The following SYT1 variants were observed in gnomAD, a reference collection of about 807,000 sequenced individuals.
SYT1 encodes the protein synaptotagmin 1, also known as synaptotagmin-1.
In SYT1, 8 loss-of-function variants were observed where a neutral mutation model predicts 44.8. That is an observed-to-expected ratio of 0.18 (90% CI 0.10 to 0.32). SYT1 has a LOEUF of 0.32. Among genes scored for constraint, SYT1 ranks in the 10% least tolerant of loss-of-function variants. The pLI is 1.00. For synonymous variants in SYT1, 154 were observed against 188.8 expected (o/e 0.82, Z 1.51); for missense variants, 286 against 509.3 (o/e 0.56, Z 4.22).
chr12:79,051,875 C>A (rs1003098211), intron 3 of SYT1, among the ~76,000 whole-genome samples: 16 of 151,960 alleles, frequency 1.1e-4, no homozygotes, highest in African/African-American at 3.9e-4. Flanking sequence ...CTGTTCTGTT[C>A]CATTGGTCTA....
chr12:79,111,066 G>T (rs1878984486), intron 3 of SYT1, among the ~76,000 whole-genome samples: 1 of 151,972 alleles, frequency 6.6e-6, no homozygotes, highest in South Asian at 2.1e-4. Flanking sequence ...ATAAAGTATA[G>T]CAATGAAAAA....
At chr12:79,333,986 C>A (rs1274741786) in intron 8 of SYT1, among the ~76,000 whole-genome samples, 1 of 152,090 alleles carries the variant, frequency 6.6e-6, no homozygotes, top group Non-Finnish European at 1.5e-5. Context: ...TGACATTGCT[C>A]CCCTTCTGGA....
At chr12:79,183,641 A>T (rs1376458427) in intron 3 of SYT1, among the ~76,000 whole-genome samples, 8 of 152,022 alleles carry the variant, frequency 5.3e-5, no homozygotes, top group African/African-American at 1.7e-4. Context: ...CTGTTCCCAC[A>T]GCCCCTCTCC....
chr12:79,041,575 G>T (rs932604676), intron 2 of SYT1, among the ~76,000 whole-genome samples: 1 of 152,168 alleles, frequency 6.6e-6, no homozygotes, highest in Admixed American at 6.5e-5. Context: ...TGCAAACAGG[G>T]ACAGTTTGAC....
intron 1 of SYT1, among the ~76,000 whole-genome samples, chr12:78,945,240 A>C (rs2137268728): frequency 6.6e-6 from 1 of 152,248 alleles, no homozygotes; most frequent in African/African-American, 2.4e-5. Context: ...TCTAAACTTT[A>C]AAAATATAAA....
chr12:79,352,821 A>C (rs963798195), intron 8 of SYT1, among the ~76,000 whole-genome samples: 1 of 152,212 alleles, frequency 6.6e-6, no homozygotes, highest in Non-Finnish European at 1.5e-5. Flanking sequence ...GTGAAATAAC[A>C]TGAGAAGTTA....
intron 9 of SYT1, among the ~76,000 whole-genome samples, chr12:79,399,288 A>ATTT (rs1565942194): frequency 5.3e-5 from 7 of 131,262 alleles, no homozygotes; most frequent in Non-Finnish European, 8.1e-5. Flanking sequence ...CAGTAATTTG[A>ATTT]ATTTTTTTTT....
rs74107386 is a variant in SYT1 at position 79,248,485 on chromosome 12, A to T, written c.166+30800A>T. Among the ~76,000 whole-genome samples, 569 of 152,328 alleles carry T rather than the reference A, an allele frequency of 3.7e-3. 7 individuals carry two copies. Among genetic ancestry groups the T allele is most frequent in the African/African-American group, 0.013 (553 of 41,572 alleles). ...TTTCTTGCCTCCTTGTTTAGAAATC[A>T]TTATAGCAATTTACGCATGGAAATA... On this transcript the variant is annotated intron_variant, in intron 4 of 10. Coordinates refer to ENST00000261205, the MANE Select transcript of SYT1 (RefSeq NM_005639.3).
At chr12:79,339,305 A>G (rs1162373015) in intron 8 of SYT1, among the ~76,000 whole-genome samples, 2 of 152,138 alleles carry the variant, frequency 1.3e-5, no homozygotes, top group Non-Finnish European at 2.9e-5. Flanking sequence ...AAGTGTTCCT[A>G]TTTCTCCACA....
At chr12:79,130,481 G>A (rs936506532) in intron 3 of SYT1, among the ~76,000 whole-genome samples, 1 of 152,168 alleles carries the variant, frequency 6.6e-6, no homozygotes, top group Non-Finnish European at 1.5e-5. Flanking sequence ...GAGAGCACAG[G>A]AATTGTCTGC....
chr12:79,429,309 C>T (rs566814992), intron 9 of SYT1, among the ~76,000 whole-genome samples: 1 of 151,984 alleles, frequency 6.6e-6, no homozygotes, highest in Non-Finnish European at 1.5e-5. Context: ...TAGGTTCAAG[C>T]GATTCTCCTG....
intron 3 of SYT1, among the ~76,000 whole-genome samples, chr12:79,119,879 T>C (rs1879499447): frequency 6.6e-6 from 1 of 152,086 alleles, no homozygotes; most frequent in African/African-American, 2.4e-5. Flanking sequence ...TTAGGCATTC[T>C]CCAAGGCACA....
rs1026422259 is a variant in SYT1, at chr12:78,944,532, A to G, written c.-216-33267A>G. ...AATACAAAAAAAAACTCCTGGGGGG[A>G]AATGCAGTTATTAAAAACTCCCTTA... On this transcript the variant is annotated intron_variant, in intron 1 of 10. Transcript: ENST00000261205. Among the ~76,000 whole-genome samples the G allele has an allele frequency of 1.2e-4, 18 of 152,000 alleles. 1 individual carries two copies. Among genetic ancestry groups the G allele is most frequent in the Non-Finnish European group, 4.4e-5 (3 of 67,956 alleles).
intron 1 of SYT1, among the ~76,000 whole-genome samples, chr12:78,886,412 T>TA (rs1349621153): frequency 1.3e-5 from 2 of 152,006 alleles, no homozygotes; most frequent in African/African-American, 4.8e-5. Flanking sequence ...AACAGATTGA[T>TA]ACCAACATTC....
At chr12:78,984,311 C>A (rs1000250688) in intron 2 of SYT1, among the ~76,000 whole-genome samples, 1 of 151,892 alleles carries the variant, frequency 6.6e-6, no homozygotes, top group Non-Finnish European at 1.5e-5. Flanking sequence ...TTTACCATTG[C>A]AGTATGCCAG....
At chr12:79,374,538 C>G (rs938376593) in intron 9 of SYT1, among the ~76,000 whole-genome samples, 10 of 151,922 alleles carry the variant, frequency 6.6e-5, no homozygotes, top group African/African-American at 2.4e-4. Flanking sequence ...AAAAATAATG[C>G]CGGGTTTTAA....
chr12:78,976,779 A>T (rs1868870131), intron 1 of SYT1: 1 of 152,102 alleles, frequency 6.6e-6, no homozygotes, highest in African/African-American at 2.4e-5. Flanking sequence ...AAATTTTATA[A>T]ACTAGTGGTA....
intron 8 of SYT1, among the ~76,000 whole-genome samples, chr12:79,299,920 G>A (rs1880053565): frequency 6.6e-6 from 1 of 152,098 alleles, no homozygotes; most frequent in Non-Finnish European, 1.5e-5. Flanking sequence ...ATCATTTTGT[G>A]TTTTCTGCAT....
At chr12:78,990,676 C>T (rs911413669) in intron 2 of SYT1, among the ~76,000 whole-genome samples, 1 of 152,162 alleles carries the variant, frequency 6.6e-6, no homozygotes, top group African/African-American at 2.4e-5. Flanking sequence ...ATTTTGTTCA[C>T]ATATCTTATG....
Sources: allele counts gnomAD v4.1 joint callset (sites outside exome capture counted in the v4.1 genomes callset), GRCh38; gene constraint gnomAD v4.1.1; transcripts MANE v1.5; gene names NCBI Gene and HGNC (gene_info 2026-07-23, HGNC 2026-07-21).